NFKBIZ: variants seen among roughly 807,000 people sequenced by gnomAD.
The protein encoded by NFKBIZ is NFKB inhibitor zeta.
NFKBIZ carries 19 observed loss-of-function variants against 76.8 expected under a neutral mutation model. The observed-to-expected ratio is 0.25, with a 90% confidence interval of 0.17 to 0.36. NFKBIZ has a LOEUF of 0.36. Among genes scored for constraint, NFKBIZ ranks in the 10% least tolerant of loss-of-function variants. The pLI is 1.00. For synonymous variants in NFKBIZ, 368 were observed against 354.8 expected (o/e 1.04, Z -0.42); for missense variants, 829 against 910.9 (o/e 0.91, Z 1.16).
In NFKBIZ at chr3:101,855,074, G is replaced by C; in HGVS notation, c.1456G>C (p.Val486Leu). The C allele has an allele frequency of 6.2e-7, 1 of 1,607,896 alleles. No homozygotes were observed. Among genetic ancestry groups the C allele is most frequent in the South Asian group, 1.1e-5 (1 of 89,800 alleles). Residue 486 changes from valine (V) to leucine (L), a missense_variant, in exon 7 of 12, where the codon GTG becomes CTG. Transcript: ENST00000326172. ...KEHNGQSAFQ[V>L]AVAANQHLIV... ...TGGATATCCACAGAGTGCCTTTCAGGTGGCAGTGGCTGCCAATCAGCATCT... is the reference window on the plus strand; with the variant it reads ...TGGATATCCACAGAGTGCCTTTCAGCTGGCAGTGGCTGCCAATCAGCATCT...
chr3:101,858,172 A>T, intron 11 of NFKBIZ: 1 of 985,374 alleles, frequency 1.0e-6, no homozygotes, highest in Non-Finnish European at 1.2e-6. Context: ...GTAGGTCATT[A>T]CATACTTTAC....
At chr3:101,843,018 T>G (rs1942806826) in intron 2 of NFKBIZ, among the ~76,000 whole-genome samples, 1 of 122,756 alleles carries the variant, frequency 8.1e-6, no homozygotes. Flanking sequence ...AACTGTATTT[T>G]CTAAAAAAAA....
Position 101,853,253 on chromosome 3 carries a change from G to T in NFKBIZ, c.727G>T (p.Val243Leu), listed in dbSNP as rs150091528. ...AGTTCAAGTTAGCTGGCTGAACCCC[G>T]TGGTGGTCCCTCAGAGCTCCCCCGC... ...NTVQVSWLNP[V>L]VVPQSSPAEQ... The change falls in exon 5 of 12, where the codon GTG becomes TTG. Residue 243 changes from valine to leucine, a missense_variant. Val to Leu is a conservative substitution (Grantham distance 32). Transcript: ENST00000326172. The T allele has an allele frequency of 4.3e-6, 7 of 1,613,992 alleles. No homozygotes were observed. The highest frequency in any genetic ancestry group is 1.7e-5 in the Admixed American group (1 of 60,012).
chr3:101,838,207 T>A (rs777715344), intron 2 of NFKBIZ, among the ~76,000 whole-genome samples: 3 of 152,218 alleles, frequency 2.0e-5, no homozygotes, highest in Non-Finnish European at 4.4e-5. Context: ...GGAATGGAAC[T>A]AACACTTATT....
At position 101,857,752 on chromosome 3, in the gene NFKBIZ, A is replaced by AG. The variant is rs961036756; in HGVS notation, c.2103+294dup. On this transcript the variant is annotated intron_variant, in intron 11 of 11. Transcript: ENST00000326172. ...GAATGGTTTAAGGTTCGGAAAGAGA[A>AG]GATACCAAGGTTCCTGCAGATACCA... is the stretch of plus-strand genomic sequence containing the variant. 6 of 985,348 alleles carry AG rather than the reference A, an allele frequency of 6.1e-6. No homozygotes were observed. The African/African-American group carries it at 8.7e-5, about 14-fold the overall frequency. The allele number at this position is 985,348 out of a possible 1,614,324, so 61.0% of individuals were successfully genotyped here.
chr3:101,853,914 G>T, intron 5 of NFKBIZ, 51 bp downstream of exon 5: 1 of 1,541,386 alleles, frequency 6.5e-7, no homozygotes, highest in Non-Finnish European at 8.9e-7. Flanking sequence ...ACACTTGTTG[G>T]ACTAGTGAGC....
At chr3:101,855,552 G>C (rs1002813662) in intron 8 of NFKBIZ, 94 bp downstream of exon 8, 2 of 1,342,192 alleles carry the variant, frequency 1.5e-6, no homozygotes, top group African/African-American at 2.9e-5. Flanking sequence ...GGTAATTAAA[G>C]CTAAAATATT....
Position 101,859,301 on chromosome 3 carries a change from A to AT in NFKBIZ, c.2104-14dup. 1 of 1,611,618 alleles carries AT rather than the reference A, an allele frequency of 6.2e-7. No homozygotes were observed. The highest frequency in any genetic ancestry group is 2.2e-5 in the East Asian group (1 of 44,820). ...ATAAGAAATAAACCTCACAAATTTT[A>AT]TTTGTTTCTCTTCCAGATCCGACGT... On this transcript the variant is annotated splice_polypyrimidine_tract_variant and intron_variant, in intron 11 of 11. Transcript: ENST00000326172.
upstream of NFKBIZ, among the ~76,000 whole-genome samples, chr3:101,846,347 T>C (rs1300118260): frequency 6.6e-6 from 1 of 152,248 alleles, no homozygotes; most frequent in African/African-American, 2.4e-5. Flanking sequence ...AAACTGAATT[T>C]GTATTTCAAC....
At chr3:101,853,036 C>T in intron 4 of NFKBIZ, 47 bp downstream of exon 4, 4 of 1,612,608 alleles carry the variant, frequency 2.5e-6, no homozygotes, top group South Asian at 1.1e-5. Context: ...GAAATTATTC[C>T]TGGGATAATT....
Position 101,849,850 on chromosome 3 carries a change from G to A in NFKBIZ, c.222G>A (p.Ser74=), listed in dbSNP as rs1399207036. The change falls in exon 1 of 12, where the codon TCG becomes TCA. Residue 74 remains serine (S), a synonymous_variant. Transcript: ENST00000326172. ...GSDSSDFSSA[S]SVSSCGAVES... is the part of the protein sequence containing the mutation. The stretch of plus-strand genomic sequence containing the variant: ...ACTCCTCCGACTTCTCCTCTGCCTC[G>A]TCGGTGTCCTCCTGCGGCGCCGTGG... 1 of 1,470,646 alleles carries A rather than the reference G, an allele frequency of 6.8e-7. No individual in the cohort carries two copies. Among genetic ancestry groups the A allele is most frequent in the East Asian group, 3.0e-5 (1 of 33,358 alleles). The allele number at this position is 1,470,646 out of a possible 1,614,324, so 91.1% of individuals were successfully genotyped here. A position where few individuals can be genotyped will look rare whatever the true frequency, so the allele number is the denominator to read the frequency against.
chr3:101,855,270 G>C (rs1041020133), intron 7 of NFKBIZ, 62 bp downstream of exon 7: 24 of 1,599,260 alleles, frequency 1.5e-5, no homozygotes, highest in Middle Eastern at 1.7e-4. Flanking sequence ...TTGGATATTA[G>C]AAGTCGGATA....
In NFKBIZ at chr3:101,852,045, G is replaced by A. The variant is rs770190982; in HGVS notation, c.290-40G>A. 2.5e-6 allele frequency: 4 copies of A among 1,599,704 alleles called. No homozygotes were observed. In the South Asian group the frequency reaches 4.5e-5, roughly 18 times the overall value. On this transcript the variant is annotated intron_variant, in intron 1 of 11. Coordinates refer to ENST00000326172, the MANE Select transcript of NFKBIZ (RefSeq NM_031419.4). ...GATTATTAACGTTTATGTCTGTGAA[G>A]ATATTTAACCAGGAATATGTTTTGT... is the stretch of plus-strand genomic sequence containing the variant.
intron 2 of NFKBIZ, among the ~76,000 whole-genome samples, chr3:101,839,333 A>G (rs1477680681): frequency 6.6e-6 from 1 of 152,206 alleles, no homozygotes; most frequent in East Asian, 1.9e-4. Context: ...TTTAAATAAG[A>G]CATAAAATTA....
intron 2 of NFKBIZ, among the ~76,000 whole-genome samples, chr3:101,834,241 C>T (rs578035506): frequency 2.6e-5 from 4 of 152,188 alleles, no homozygotes; most frequent in African/African-American, 9.6e-5. Context: ...CCACTATTAT[C>T]CTCAAGGCCT....
upstream of NFKBIZ, among the ~76,000 whole-genome samples, chr3:101,848,397 T>C (rs1424955966): frequency 1.3e-5 from 2 of 152,198 alleles, no homozygotes; most frequent in Non-Finnish European, 1.5e-5. Context: ...ATCCCACCCA[T>C]CCTTTAGGAC....
Position 101,859,233 on chromosome 3 carries a change from T to C in NFKBIZ, c.2104-85T>C, listed in dbSNP as rs908055040. On this transcript the variant is annotated intron_variant, in intron 11 of 11. Transcript: ENST00000326172. Reference sequence around the variant, plus strand: ...GTTAATAGGAGTAGTGTAGATGGTATAAGAAAGGAATGAAACTCAGAAGGA... The same window carrying C: ...GTTAATAGGAGTAGTGTAGATGGTACAAGAAAGGAATGAAACTCAGAAGGA... 161 of 1,012,306 alleles carry C rather than the reference T, an allele frequency of 1.6e-4. 2 individuals carry two copies. The highest frequency in any genetic ancestry group is 1.5e-3 in the Admixed American group (86 of 57,894). The allele number at this position is 1,012,306 out of a possible 1,614,324, so 62.7% of individuals were successfully genotyped here.
upstream of NFKBIZ, among the ~76,000 whole-genome samples, chr3:101,848,668 GTTAGT>G (rs2107409250): frequency 6.6e-6 from 1 of 152,328 alleles, no homozygotes; most frequent in African/African-American, 2.4e-5. Flanking sequence ...AAATTACTGT[GTTAGT>G]TTATCAGATA....
In NFKBIZ at chr3:101,849,521, C is replaced by T. The variant is rs1293159193; in HGVS notation, c.-108C>T. The T allele has an allele frequency of 3.0e-6, 3 of 1,004,476 alleles. No individual in the cohort carries two copies. Among genetic ancestry groups the T allele is most frequent in the Non-Finnish European group, 3.9e-6 (3 of 769,516 alleles). 62.2% of individuals were successfully genotyped at this position (1,004,476 alleles called of 1,614,324 possible). On this transcript the variant is annotated 5_prime_UTR_variant, in exon 1 of 12. Transcript: ENST00000326172. ...CAGTCCCGCGCCGCGCCCGTACTGG[C>T]CCGCGCCGTCCGCCCGCCGACAGCT...
Sources: gnomAD v4.1 joint callset for allele counts (sites outside exome capture counted in the v4.1 genomes callset) on GRCh38, gnomAD v4.1.1 for gene constraint, MANE v1.5 for transcripts, NCBI Gene and HGNC (gene_info 2026-07-23, HGNC 2026-07-21) for gene names.